KRI1: variants seen among roughly 807,000 people sequenced by gnomAD.
The protein encoded by KRI1 is KRI1 homolog.
Under a neutral mutation model 97.0 loss-of-function variants are expected in KRI1, and 83 were observed. That is an observed-to-expected ratio of 0.86 (90% confidence interval 0.72 to 1.03). The LOEUF is 1.03. Among genes scored for constraint, KRI1 ranks in the 50% least tolerant of loss-of-function variants. KRI1 has a pLI of 0.00. For missense variants in KRI1, 916 were observed against 928.4 expected (o/e 0.99, Z 0.17); for synonymous variants, 371 against 363.5 (o/e 1.02, Z -0.23).
In KRI1 at chr19:10,553,358, G is replaced by A; in HGVS notation, c.*593C>T. On this transcript the variant is annotated 3_prime_UTR_variant, in exon 19 of 19. Coordinates refer to ENST00000312962, the MANE Select transcript of KRI1 (RefSeq NM_023008.5). ...TGCACTGGACGCCCGGGCCCTCCCT[G>A]TCCCAAAGCCCCCTTGGGGGAACTG... 1 of 331,940 alleles carries A rather than the reference G, an allele frequency of 3.0e-6. No individual in the cohort carries two copies. 20.6% of individuals were successfully genotyped at this position (331,940 alleles called of 1,614,324 possible). A position where few individuals can be genotyped will look rare whatever the true frequency, so the allele number is the denominator to read the frequency against.
chr19:10,564,948 GGCATCT>G lies in KRI1; in HGVS notation c.249_254del (p.Lys83_Ala85delinsAsn), dbSNP rs750395713. ...CCGGACCTGTTCTGTTATAGAAGGT[GGCATCT>G]TTCTGATAAATGCGGGGGTCCTTCT... On this transcript the variant is annotated inframe_deletion, in exon 3 of 19. Transcript: ENST00000312962. The G allele has an allele frequency of 1.2e-6, 2 of 1,611,226 alleles. No individual in the cohort carries two copies. The highest frequency in any genetic ancestry group is 4.5e-5 in the East Asian group (2 of 44,866).
At position 10,564,945 on chromosome 19, in the gene KRI1, G is replaced by A. The variant is rs1335051061; in HGVS notation, c.258C>T (p.Thr86=). 2.5e-6 allele frequency: 4 copies of A among 1,610,718 alleles called. No homozygotes were observed. The Admixed American group carries it at 5.0e-5, about 20-fold the overall frequency. ...GCCCCGGACCTGTTCTGTTATAGAAGGTGGCATCTTTCTGATAAATGCGGG... is the reference window on the plus strand; with the variant it reads ...GCCCCGGACCTGTTCTGTTATAGAAAGTGGCATCTTTCTGATAAATGCGGG... ...KDPRIYQKDA[T]FYNRTASSSD... The change falls in exon 3 of 19, where the codon ACC becomes ACT. Residue 86 remains threonine, a synonymous_variant. Coordinates refer to ENST00000312962, the MANE Select transcript of KRI1 (RefSeq NM_023008.5).
chr19:10,558,820 T>C (rs544263172), intron 12 of KRI1, among the ~76,000 whole-genome samples: 84 of 151,764 alleles, frequency 5.5e-4, no homozygotes, highest in African/African-American at 1.9e-3. Flanking sequence ...ATTCCCTGCC[T>C]CAGCCTCCCG....
At position 10,557,899 on chromosome 19, in the gene KRI1, C is replaced by T. The variant is rs753697321; in HGVS notation, c.1360-4G>A. 1 of 1,613,568 alleles carries T rather than the reference C, an allele frequency of 6.2e-7. No homozygotes were observed. Among genetic ancestry groups the T allele is most frequent in the Non-Finnish European group, 8.5e-7 (1 of 1,179,864 alleles). On this transcript the variant is annotated splice_region_variant and splice_polypyrimidine_tract_variant and intron_variant, in intron 14 of 18. Coordinates refer to ENST00000312962, the MANE Select transcript of KRI1 (RefSeq NM_023008.5). ...TGGGGTCGTAGTCGGCGTCCATCTG[C>T]CAGGACGCACAGGTCAGATCCCACC...
rs367956318 is a variant in KRI1, at chr19:10,559,740, G to A, written c.928-32C>T. ...GCAATCAGAAAAGCCCACAAGGGCC[G>A]CAGAGATGATGTGGGGTTCCCTGGG... On this transcript the variant is annotated intron_variant, in intron 10 of 18. Coordinates refer to ENST00000312962, the MANE Select transcript of KRI1 (RefSeq NM_023008.5). 1.3e-4 allele frequency: 216 copies of A among 1,613,956 alleles called. 1 individual carries two copies. The highest frequency in any genetic ancestry group is 1.3e-3 in the East Asian group (58 of 44,876).
At chr19:10,563,210 C>T (rs148885876) in intron 3 of KRI1, among the ~76,000 whole-genome samples, 245 of 152,036 alleles carry the variant, frequency 1.6e-3, no homozygotes, top group African/African-American at 5.3e-3. Context: ...TGCCCACCAC[C>T]GCGCCCGGCT....
In KRI1 at chr19:10,557,803, C is replaced by G. The variant is rs939482998; in HGVS notation, c.1452G>C (p.Ala484=). Residue 484 remains alanine, a synonymous_variant, in exon 15 of 19, where the codon GCG becomes GCC. Transcript: ENST00000312962. The part of the protein sequence containing the change: ...GKKKRKSPFA[A]AVGQEKPVFE... The stretch of plus-strand genomic sequence containing the variant: ...ACACGGGCTTCTCCTGCCCCACGGC[C>G]GCGGCGAAGGGCGACTTGCGCTTCT... 3.7e-6 allele frequency: 6 copies of G among 1,613,498 alleles called. No homozygotes were observed. The highest frequency in any genetic ancestry group is 5.1e-6 in the Non-Finnish European group (6 of 1,179,930).
Position 10,562,840 on chromosome 19 carries a change from G to A in KRI1, c.275-3C>T. Reference sequence around the variant, plus strand: ...CTCCTCACTGTCTGATGACGATGCTGTTAACCCACCAAAGACACCTGCCAT... The same window carrying A: ...CTCCTCACTGTCTGATGACGATGCTATTAACCCACCAAAGACACCTGCCAT... On this transcript the variant is annotated splice_polypyrimidine_tract_variant and splice_region_variant and intron_variant, in intron 3 of 18. Coordinates refer to ENST00000312962, the MANE Select transcript of KRI1 (RefSeq NM_023008.5). The A allele has an allele frequency of 1.3e-6, 2 of 1,591,072 alleles. No individual in the cohort carries two copies. Among genetic ancestry groups the A allele is most frequent in the Non-Finnish European group, 1.7e-6 (2 of 1,159,064 alleles).
chr19:10,564,619 A>G (rs949661950), intron 3 of KRI1, among the ~76,000 whole-genome samples: 1 of 152,158 alleles, frequency 6.6e-6, no homozygotes, highest in Non-Finnish European at 1.5e-5. Flanking sequence ...TCAGTCAGCA[A>G]TTCCCACCTT....
At position 10,554,281 on chromosome 19, in the gene KRI1, C is replaced by G. The variant is rs751570226; in HGVS notation, c.1782G>C (p.Glu594Asp). 6.2e-7 allele frequency: 1 copy of G among 1,613,462 alleles called. No individual in the cohort carries two copies. The highest frequency in any genetic ancestry group is 8.5e-7 in the Non-Finnish European group (1 of 1,179,866). Residue 594 changes from glutamate (E) to aspartate (D), a missense_variant and splice_region_variant, in exon 19 of 19, where the codon GAG becomes GAC. Physicochemically the swap from Glu to Asp is conservative, Grantham distance 45. Coordinates refer to ENST00000312962, the MANE Select transcript of KRI1 (RefSeq NM_023008.5). ...RQVFKSLCRE[E>D]AETPAEATGK... ...CTGTGGCTTCCGCAGGTGTCTCTGC[C>G]CTGAGGGAGAAAAGTCAGGGCTCAG...
Position 10,564,918 on chromosome 19 carries a change from T to A in KRI1, c.274+11A>T. 2 of 1,545,430 alleles carry A rather than the reference T, an allele frequency of 1.3e-6. No homozygotes were observed. Among genetic ancestry groups the A allele is most frequent in the Non-Finnish European group, 1.8e-6 (2 of 1,117,618 alleles). On this transcript the variant is annotated intron_variant, in intron 3 of 18. Transcript: ENST00000312962. ...GAGGAAGGAGAGGTTTAGACAGGAG[T>A]GGCCCCGGACCTGTTCTGTTATAGA...
At position 10,559,388 on chromosome 19, in the gene KRI1, C is replaced by T. The variant is rs1446006103; in HGVS notation, c.1165G>A (p.Asp389Asn). 13 of 1,613,940 alleles carry T rather than the reference C, an allele frequency of 8.1e-6. No individual in the cohort carries two copies. Among genetic ancestry groups the T allele is most frequent in the East Asian group, 6.7e-5 (3 of 44,870 alleles). ...ATGAGCTGGTCGTGCTGGGCAGGGT[C>T]GAAGTCGTCTTCAAGGTCCCCCTCC... ...LEEGDLEDDFDPAQHDQLMQK... is the reference protein window; with the variant it reads ...LEEGDLEDDFNPAQHDQLMQK... Residue 389 changes from aspartate (D) to asparagine (N), a missense_variant, in exon 12 of 19, where the codon GAC becomes AAC. By Grantham distance (23) the Asp-to-Asn change is conservative (BLOSUM62 1). Coordinates refer to ENST00000312962, the MANE Select transcript of KRI1 (RefSeq NM_023008.5).
intron 18 of KRI1, among the ~76,000 whole-genome samples, chr19:10,554,678 T>G (rs1312750103): frequency 6.6e-6 from 1 of 152,144 alleles, no homozygotes; most frequent in East Asian, 1.9e-4. Context: ...CCCAAAGTGC[T>G]GGGATTATAG....
At position 10,565,130 on chromosome 19, in the gene KRI1, G is replaced by C. The variant is rs1158076110; in HGVS notation, c.169-96C>G. The C allele has an allele frequency of 3.4e-5, 28 of 819,864 alleles. 1 individual carries two copies. Among genetic ancestry groups the C allele is most frequent in the East Asian group, 2.0e-4 (8 of 40,160 alleles). 50.8% of individuals were successfully genotyped at this position (819,864 alleles called of 1,614,324 possible). ...GCTCAGCGTAGGGATTAGGATGGAG[G>C]GGGGTGGATCTGGCTGGGGAGGTCA... On this transcript the variant is annotated intron_variant, in intron 2 of 18. Transcript: ENST00000312962.
Position 10,556,730 on chromosome 19 carries a change from C to T in KRI1, c.1617+822G>A, listed in dbSNP as rs1478801041. Among the ~76,000 whole-genome samples, 6 of 152,132 alleles carry T rather than the reference C, an allele frequency of 3.9e-5. No individual in the cohort carries two copies. The East Asian group carries it at 5.8e-4, about 15-fold the overall frequency. ...TATTGGCTGGGTGTGGTGGCTCACA[C>T]GCAGAATCCCAGCACTTTGGGAGGC... On this transcript the variant is annotated intron_variant, in intron 16 of 18. Coordinates refer to ENST00000312962, the MANE Select transcript of KRI1 (RefSeq NM_023008.5).
Position 10,561,078 on chromosome 19 carries a change from G to C in KRI1, c.588C>G (p.Ala196=). ...QKRAKTRQEK[A]QEEADYIEWL... ...ACTCGATGTAGTCGGCCTCCTCCTG[G>C]GCCTGGGGGAAAGCTAGCACTGAGC... The change falls in exon 8 of 19, where the codon GCC becomes GCG. Residue 196 remains alanine, a splice_region_variant and synonymous_variant. Coordinates refer to ENST00000312962, the MANE Select transcript of KRI1 (RefSeq NM_023008.5). 1.2e-6 allele frequency: 2 copies of C among 1,614,012 alleles called. No individual in the cohort carries two copies. The highest frequency in any genetic ancestry group is 8.5e-7 in the Non-Finnish European group (1 of 1,179,980).
Position 10,553,575 on chromosome 19 carries a change from ATT to A in KRI1, c.*374_*375del. Reference sequence around the variant, plus strand: ...TACCCACAGCTACACGTGTTTTTTAATTTTTTTTTTTTTTTCAAGAGACAGGG... The same window carrying A: ...TACCCACAGCTACACGTGTTTTTTAATTTTTTTTTTTTTCAAGAGACAGGG... On this transcript the variant is annotated 3_prime_UTR_variant, in exon 19 of 19. Coordinates refer to ENST00000312962, the MANE Select transcript of KRI1 (RefSeq NM_023008.5). 8.2e-5 allele frequency: 12 copies of A among 146,446 alleles called. No homozygotes were observed. Among genetic ancestry groups the A allele is most frequent in the Non-Finnish European group, 1.4e-4 (10 of 70,394 alleles). 9.1% of individuals were successfully genotyped at this position (146,446 alleles called of 1,614,324 possible). A position where few individuals can be genotyped will look rare whatever the true frequency, so the allele number is the denominator to read the frequency against.
chr19:10,557,931 C>A, intron 14 of KRI1, 36 bp from the exon 15 acceptor site: 1 of 1,613,770 alleles, frequency 6.2e-7, no homozygotes. Context: ...CACCAGCCCC[C>A]CGTCAGGGCC....
Position 10,561,062 on chromosome 19 carries a change from A to C in KRI1, c.604T>G (p.Tyr202Asp). 6.2e-7 allele frequency: 1 copy of C among 1,614,134 alleles called. No homozygotes were observed. Among genetic ancestry groups the C allele is most frequent in the Non-Finnish European group, 8.5e-7 (1 of 1,180,020 alleles). The stretch of plus-strand genomic sequence containing the variant: ...TTCTGTCCCTTCAGCCACTCGATGT[A>C]GTCGGCCTCCTCCTGGGCCTGGGGG... ...RQEKAQEEAD[Y>D]IEWLKGQKEI... Residue 202 changes from tyrosine (Y) to aspartate (D), a missense_variant, in exon 8 of 19, where the codon TAC (tyrosine) becomes GAC (aspartate). By Grantham distance (160) the Tyr-to-Asp change is radical (BLOSUM62 -3). Around this residue, in one of 3 missense-constraint regions of KRI1, gnomAD observed 672 missense variants for 667.2 expected, o/e 1.01. Transcript: ENST00000312962.
Sources: allele counts gnomAD v4.1 joint callset (sites outside exome capture counted in the v4.1 genomes callset), GRCh38; gene constraint gnomAD v4.1.1; regional missense constraint gnomAD v4.1.1; transcripts MANE v1.5; gene names NCBI Gene and HGNC (gene_info 2026-07-23, HGNC 2026-07-21).